Variants in ITGAL observed in about 807,000 individuals in gnomAD.
ITGAL encodes the protein integrin subunit alpha L.
In ITGAL, 68 loss-of-function variants were observed where a neutral mutation model predicts 138.4. The observed-to-expected ratio is 0.49, with a 90% confidence interval of 0.40 to 0.60. ITGAL has a LOEUF of 0.60. ITGAL is among the 20% of genes least tolerant of loss of function. ITGAL has a pLI of 0.00. For missense variants in ITGAL, 1,256 were observed against 1,478.6 expected (o/e 0.85, Z 2.47); for synonymous variants, 561 against 584.3 (o/e 0.96, Z 0.57).
In ITGAL at chr16:30,475,179, C is replaced by G. The variant is rs2050452932; in HGVS notation, c.165-127C>G. 4.1e-6 allele frequency: 3 copies of G among 729,854 alleles called. No individual in the cohort carries two copies. The South Asian group carries it at 5.5e-5, about 13-fold the overall frequency. The allele number at this position is 729,854 out of a possible 1,614,324, so 45.2% of individuals were successfully genotyped here. On this transcript the variant is annotated intron_variant, in intron 2 of 30. Transcript: ENST00000356798. ...GAGCCACCCCACCTGGCCAGAGGCACCTTCTTGAAGGGGAATGGCTGCAGT... is the reference window on the plus strand; with the variant it reads ...GAGCCACCCCACCTGGCCAGAGGCAGCTTCTTGAAGGGGAATGGCTGCAGT...
At chr16:30,493,259 T>TTATTTTATTTTATTTTA in intron 11 of ITGAL, among the ~76,000 whole-genome samples, 1 of 142,926 alleles carries the variant, frequency 7.0e-6, no homozygotes, top group South Asian at 2.1e-4. Context: ...TTATTTTATT[T>TTATTTTATTTTATTTTA]TATTTTATTT....
At chr16:30,520,570 C>T (rs959143923) in intron 30 of ITGAL, among the ~76,000 whole-genome samples, 3 of 152,176 alleles carry the variant, frequency 2.0e-5, no homozygotes, top group Admixed American at 6.6e-5. Flanking sequence ...GGGCACTGTC[C>T]CAGGCACAGG....
At position 30,517,695 on chromosome 16, in the gene ITGAL, A is replaced by T. The variant is rs1486954968; in HGVS notation, c.3023A>T (p.Asp1008Val). The change falls in exon 27 of 31, where the codon GAT becomes GTT. Residue 1008 changes from aspartate (D) to valine (V), a missense_variant. By Grantham distance (152) the Asp-to-Val change is radical. This residue lies in a region of ITGAL where 867 missense variants were observed against 972.5 expected (regional missense o/e 0.89). Transcript: ENST00000356798. ...TATGAGGATCTGGAGAGGCTCCCGG[A>T]TGCAGCTGAGGTATGGGCGTGTGAG... ...CHYEDLERLP[D>V]AAEPCLPGAL... 6.2e-7 allele frequency: 1 copy of T among 1,614,042 alleles called. No individual in the cohort carries two copies. The highest frequency in any genetic ancestry group is 1.1e-5 in the South Asian group (1 of 91,078).
intron 9 of ITGAL, among the ~76,000 whole-genome samples, chr16:30,485,651 A>G (rs1292065802): frequency 6.6e-6 from 1 of 150,732 alleles, no homozygotes; most frequent in Non-Finnish European, 1.5e-5. Context: ...AGCTGGGACT[A>G]CAGGTGTGTG....
At chr16:30,509,636 AG>A (rs1439411505) in intron 21 of ITGAL, among the ~76,000 whole-genome samples, 36 of 152,106 alleles carry the variant, frequency 2.4e-4, no homozygotes, top group Admixed American at 3.9e-4. Context: ...GCTAAAGTAT[AG>A]TGGCATAAGC....
rs763959941 is a variant in ITGAL at position 30,496,452 on chromosome 16, A to C, written c.1718A>C (p.Gln573Pro). The change falls in exon 15 of 31, where the codon CAA (glutamine) becomes CCA (proline). Residue 573 changes from glutamine (Q) to proline (P), a missense_variant. Physicochemically the swap from Gln to Pro is moderately conservative, Grantham distance 76. Around this residue, in one of 3 missense-constraint regions of ITGAL, gnomAD observed 867 missense variants for 972.5 expected, o/e 0.89. Transcript: ENST00000356798. The part of the protein sequence containing the change: ...PQPSQRIEGT[Q>P]VLSGIQWFGR... ...TGCTCTCAGCGGATAGAAGGGACCC[A>C]AGTGCTCTCAGGAATTCAGTGGTTT... The C allele has an allele frequency of 6.2e-7, 1 of 1,613,666 alleles. No homozygotes were observed. The highest frequency in any genetic ancestry group is 8.5e-7 in the Non-Finnish European group (1 of 1,179,968).
chr16:30,518,814 G>A (rs1256689498), intron 29 of ITGAL, 95 bp downstream of exon 29: 2 of 926,532 alleles, frequency 2.2e-6, no homozygotes, highest in Admixed American at 1.9e-5. Context: ...CCTGGGCTCT[G>A]TGCGAGTCAG....
chr16:30,490,234 A>AAT (rs2050706583), intron 11 of ITGAL, among the ~76,000 whole-genome samples: 3 of 150,934 alleles, frequency 2.0e-5, no homozygotes, highest in African/African-American at 7.3e-5. Context: ...TCTTAAAAAA[A>AAT]AAAAAAAAAA....
chr16:30,510,217 C>T (rs953427756), intron 21 of ITGAL, 144 bp from the exon 22 acceptor site: 7 of 639,662 alleles, frequency 1.1e-5, no homozygotes, highest in African/African-American at 1.1e-4. Flanking sequence ...CTGTCTGCAG[C>T]CCTGATTCTT....
intron 17 of ITGAL, among the ~76,000 whole-genome samples, chr16:30,499,733 ATT>A (rs1193634387): frequency 1.9e-4 from 17 of 88,388 alleles, no homozygotes; most frequent in African/African-American, 4.2e-4. Flanking sequence ...ATATATATAT[ATT>A]TTTTTTTTTT....
At chr16:30,493,158 T>A (rs1002853780) in intron 11 of ITGAL, among the ~76,000 whole-genome samples, 1 of 152,150 alleles carries the variant, frequency 6.6e-6, no homozygotes, top group African/African-American at 2.4e-5. Flanking sequence ...AATGTTAGGA[T>A]TACAGGTGTG....
At chr16:30,502,578 C>A (rs942923465) in intron 17 of ITGAL, among the ~76,000 whole-genome samples, 1 of 151,486 alleles carries the variant, frequency 6.6e-6, no homozygotes, top group Admixed American at 6.6e-5. Context: ...GAAAACCCAT[C>A]TCTACTAAAA....
Position 30,474,217 on chromosome 16 carries a change from T to A in ITGAL, c.83T>A (p.Leu28Gln). Residue 28 changes from leucine to glutamine, a missense_variant, in exon 2 of 31, where the codon CTG becomes CAG. Leu to Gln is a moderately radical substitution (Grantham distance 113, BLOSUM62 -2). Coordinates refer to ENST00000356798, the MANE Select transcript of ITGAL (RefSeq NM_002209.3). ...FFFAPASSYN[L>Q]DVRGARSFSP... ...TCAGCGCCGGCCTCGAGCTACAACC[T>A]GGACGTGCGGGGCGCGCGGAGCTTC... The A allele has an allele frequency of 1.2e-6, 2 of 1,607,562 alleles. No homozygotes were observed. The highest frequency in any genetic ancestry group is 1.7e-6 in the Non-Finnish European group (2 of 1,177,380).
chr16:30,512,322 C>G (rs1049675638), intron 24 of ITGAL, among the ~76,000 whole-genome samples: 2 of 152,076 alleles, frequency 1.3e-5, no homozygotes, highest in Non-Finnish European at 2.9e-5. Context: ...TGTGGTGGCT[C>G]ACACCTGTAA....
intron 7 of ITGAL, among the ~76,000 whole-genome samples, chr16:30,482,583 C>A (rs2050576408): frequency 6.6e-6 from 1 of 152,004 alleles, no homozygotes; most frequent in Admixed American, 6.6e-5. Context: ...TAGAAGGCTA[C>A]TGAAAAATCC....
intron 21 of ITGAL, among the ~76,000 whole-genome samples, chr16:30,507,469 AAAAAAAAAAAC>A (rs1193861205): frequency 1.5e-5 from 2 of 136,408 alleles, no homozygotes; most frequent in Admixed American, 1.5e-4. Context: ...AAAAAAAAAC[AAAAAAAAAAAC>A]AAAAAAAAAA....
At chr16:30,508,632 C>T (rs886256562) in intron 21 of ITGAL, among the ~76,000 whole-genome samples, 2 of 152,088 alleles carry the variant, frequency 1.3e-5, no homozygotes, top group Non-Finnish European at 2.9e-5. Context: ...AGTTCGAGGC[C>T]GCTGTGAGCT....
rs776615946 is a variant in ITGAL, at chr16:30,483,968, C to T, written c.855+9C>T. ...TCCGCTACATCATCGGGGTAGGGCC[C>T]CTGCTGCTTCCTGCATCATATCTTC... On this transcript the variant is annotated intron_variant, in intron 8 of 30. Transcript: ENST00000356798. The T allele has an allele frequency of 1.9e-6, 3 of 1,607,888 alleles. No individual in the cohort carries two copies. The highest frequency in any genetic ancestry group is 4.5e-5 in the East Asian group (2 of 44,664).
chr16:30,492,153 C>G (rs1479177336), intron 11 of ITGAL, among the ~76,000 whole-genome samples: 5 of 152,184 alleles, frequency 3.3e-5, no homozygotes, highest in Admixed American at 6.6e-5. Context: ...AGTGTTTCCT[C>G]GAACATTCAA....
Sources: gnomAD v4.1 joint callset for allele counts (sites outside exome capture counted in the v4.1 genomes callset) on GRCh38, gnomAD v4.1.1 for gene constraint, gnomAD v4.1.1 regional missense constraint, MANE v1.5 for transcripts, NCBI Gene and HGNC (gene_info 2026-07-23, HGNC 2026-07-21) for gene names.